The following CRACR2A variants were observed in gnomAD, a reference collection of about 807,000 sequenced individuals.
CRACR2A encodes the protein EF-hand calcium-binding domain-containing protein 4B.
CRACR2A carries 79 observed loss-of-function variants against 90.5 expected under a neutral mutation model. The ratio of observed to expected loss-of-function variants is 0.87; its 90% CI spans 0.73 to 1.05. The LOEUF is 1.05. Ranked by LOEUF, CRACR2A falls within the 50% of genes least tolerant of loss-of-function variation. The probability of loss-of-function intolerance (pLI) is 0.00; values close to 1 mark genes in which losing one functional copy is unlikely to be tolerated. For synonymous variants in CRACR2A, 338 were observed against 356.7 expected (o/e 0.95, Z 0.59); for missense variants, 823 against 897.2 (o/e 0.92, Z 1.06).
intron 1 of CRACR2A, among the ~76,000 whole-genome samples, chr12:3,750,710 G>C (rs933322379): frequency 1.3e-5 from 2 of 152,166 alleles, no homozygotes; most frequent in African/African-American, 4.8e-5. Flanking sequence ...TGATTAGCCT[G>C]TCCCTGAGGA....
intron 4 of CRACR2A, among the ~76,000 whole-genome samples, chr12:3,680,899 A>G (rs1188022602): frequency 6.6e-6 from 1 of 152,226 alleles, no homozygotes; most frequent in Admixed American, 6.5e-5. Flanking sequence ...GTGCCTGCAT[A>G]CAGAAAGCAT....
chr12:3,701,709 C>T (rs920483078), intron 3 of CRACR2A, among the ~76,000 whole-genome samples: 10 of 151,974 alleles, frequency 6.6e-5, no homozygotes, highest in African/African-American at 2.2e-4. Flanking sequence ...ACTTCAGGTC[C>T]GCATAGCTAA....
intron 10 of CRACR2A, 111 bp from the exon 11 acceptor site, chr12:3,648,724 G>A: frequency 6.9e-7 from 1 of 1,446,100 alleles, no homozygotes; most frequent in Non-Finnish European, 9.3e-7. Flanking sequence ...GAGGGCATTG[G>A]AGGAACGTGG....
At chr12:3,722,758 CT>C (rs1322075213) in intron 2 of CRACR2A, among the ~76,000 whole-genome samples, 1 of 152,136 alleles carries the variant, frequency 6.6e-6, no homozygotes, top group Non-Finnish European at 1.5e-5. Context: ...CATCCACTGG[CT>C]TTTTCATGAA....
rs1391166353 is a variant in CRACR2A, at chr12:3,746,372, T to TCC, written c.-387+6641_-387+6642dup. 3.3e-5 allele frequency among the ~76,000 whole-genome samples: 5 copies of TCC among 151,362 alleles called. No homozygotes were observed. The highest frequency in any genetic ancestry group is 9.7e-5 in the African/African-American group (4 of 41,188). ...AGAGAGCTCTCTCTCTCTCTCTCTC[T>TCC]CCCCATCTCTCTCTCCTCCCTCTTC... On this transcript the variant is annotated intron_variant, in intron 1 of 19. Transcript: ENST00000440314. The surrounding 1 kb of genome is among the most constrained non-coding windows in gnomAD (Gnocchi z 4.4).
At chr12:3,740,710 C>T (rs1565509400) in intron 1 of CRACR2A, among the ~76,000 whole-genome samples, 2 of 152,110 alleles carry the variant, frequency 1.3e-5, no homozygotes, top group Non-Finnish European at 1.5e-5. Flanking sequence ...AGATCATCTC[C>T]GTGTACATAA....
At chr12:3,676,404 G>A (rs1319153968) in intron 6 of CRACR2A, among the ~76,000 whole-genome samples, 1 of 152,184 alleles carries the variant, frequency 6.6e-6, no homozygotes, top group Non-Finnish European at 1.5e-5. Flanking sequence ...CCTGTTATAG[G>A]TTGTTCCCTG....
chr12:3,721,644 T>C (rs1191289743), intron 2 of CRACR2A, among the ~76,000 whole-genome samples: 1 of 149,466 alleles, frequency 6.7e-6, no homozygotes, highest in Non-Finnish European at 1.5e-5. Context: ...GCTTATAGTC[T>C]AGTGGAGATA....
chr12:3,709,676 C>A (rs894430260), intron 3 of CRACR2A, among the ~76,000 whole-genome samples: 10 of 152,218 alleles, frequency 6.6e-5, no homozygotes, highest in Admixed American at 2.6e-4. Flanking sequence ...ACTCAGGAGG[C>A]TGAGGCAGGA....
chr12:3,700,242 G>A (rs1167429569), intron 3 of CRACR2A, among the ~76,000 whole-genome samples: 1 of 152,144 alleles, frequency 6.6e-6, no homozygotes, highest in Non-Finnish European at 1.5e-5. Context: ...TTGCAAAATT[G>A]TGCATCTGAC....
chr12:3,664,729 G>A (rs186743582), intron 7 of CRACR2A, among the ~76,000 whole-genome samples: 8 of 152,264 alleles, frequency 5.3e-5, no homozygotes, highest in African/African-American at 1.7e-4. Flanking sequence ...CCTTCTGGCC[G>A]GGCACAGTGG....
Position 3,615,386 on chromosome 12 carries a change from T to C in CRACR2A, c.2165A>G (p.His722Arg). 1.3e-6 allele frequency: 2 copies of C among 1,551,590 alleles called. No individual in the cohort carries two copies. The highest frequency in any genetic ancestry group is 2.4e-5 in the South Asian group (2 of 84,052). ...TVREDTIQVG[H>R]PAKKKSCCG ...ACAGCAGGATTTCTTCTTAGCAGGG[T>C]GGCCGACCTGAATGGTGTCCTCTCT... The change falls in exon 20 of 20, where the codon CAC becomes CGC. Residue 722 changes from histidine to arginine, a missense_variant. Coordinates refer to ENST00000440314, the MANE Select transcript of CRACR2A (RefSeq NM_001144958.2).
chr12:3,698,513 T>C (rs1945780475), intron 3 of CRACR2A, among the ~76,000 whole-genome samples: 1 of 152,238 alleles, frequency 6.6e-6, no homozygotes, highest in African/African-American at 2.4e-5. Context: ...GAAGAGCTCC[T>C]GGCCTCAGGA....
At chr12:3,617,763 G>A (rs969182857) in intron 18 of CRACR2A, among the ~76,000 whole-genome samples, 1 of 152,222 alleles carries the variant, frequency 6.6e-6, no homozygotes, top group Non-Finnish European at 1.5e-5. Context: ...ACAGGGCCCT[G>A]GCTTTTAGAT....
chr12:3,678,812 G>C (rs1945386041), intron 6 of CRACR2A, 103 bp downstream of exon 6: 2 of 1,306,318 alleles, frequency 1.5e-6, no homozygotes, highest in African/African-American at 3.0e-5. Flanking sequence ...TTCCAGTGCA[G>C]GGACCAGCAC....
At chr12:3,745,830 A>T (rs892540736) in intron 1 of CRACR2A, among the ~76,000 whole-genome samples, 20 of 36,716 alleles carry the variant, frequency 5.4e-4, no homozygotes, top group Middle Eastern at 0.036. Context: ...TAAAATAAAG[A>T]AAGAAAAGAG....
chr12:3,702,478 T>C (rs1210183677), intron 3 of CRACR2A, among the ~76,000 whole-genome samples: 2 of 152,066 alleles, frequency 1.3e-5, no homozygotes, highest in African/African-American at 4.8e-5. Context: ...ACTCAGTATA[T>C]GATAATCAAT....
chr12:3,623,524 G>T (rs1944192020), intron 17 of CRACR2A, among the ~76,000 whole-genome samples: 1 of 152,166 alleles, frequency 6.6e-6, no homozygotes, highest in African/African-American at 2.4e-5. Context: ...CCCGACACAG[G>T]CCCCAGAGTC....
At chr12:3,696,696 AC>A in intron 4 of CRACR2A, 75 bp downstream of exon 4, 1 of 1,595,058 alleles carries the variant, frequency 6.3e-7, no homozygotes, top group Non-Finnish European at 8.6e-7. Flanking sequence ...GTCACCTCCC[AC>A]GGGGCAAGCT....
Sources: gnomAD v4.1 joint callset for allele counts (sites outside exome capture counted in the v4.1 genomes callset) on GRCh38, gnomAD v4.1.1 for gene constraint, Gnocchi (gnomAD v3.1) non-coding constraint, MANE v1.5 for transcripts, NCBI Gene and HGNC (gene_info 2026-07-23, HGNC 2026-07-21) for gene names.